Variants in RPS6KA5 observed in about 807,000 individuals in gnomAD.
The protein encoded by RPS6KA5 is ribosomal protein S6 kinase alpha-5.
RPS6KA5 carries 27 observed loss-of-function variants against 85.5 expected under a neutral mutation model. That is an observed-to-expected ratio of 0.32 (90% CI 0.23 to 0.44). RPS6KA5 has a LOEUF of 0.44. Ranked by LOEUF, RPS6KA5 falls within the 20% of genes least tolerant of loss-of-function variation. The pLI is 1.00. For synonymous variants in RPS6KA5, 334 were observed against 348.2 expected (o/e 0.96, Z 0.46); for missense variants, 811 against 980.9 (o/e 0.83, Z 2.31).
At chr14:90,999,847 G>A (rs2140573226) in intron 2 of RPS6KA5, among the ~76,000 whole-genome samples, 1 of 152,316 alleles carries the variant, frequency 6.6e-6, no homozygotes, top group African/African-American at 2.4e-5. Context: ...AGCAGCGAAA[G>A]CGGTGGTAGC....
chr14:91,009,684 C>A (rs539380075), intron 1 of RPS6KA5, among the ~76,000 whole-genome samples: 6 of 152,290 alleles, frequency 3.9e-5, no homozygotes, highest in African/African-American at 1.4e-4. Flanking sequence ...GGTTTCAACA[C>A]TGATTTTGAA....
chr14:90,952,206 T>C (rs1243141683), intron 3 of RPS6KA5, among the ~76,000 whole-genome samples: 1 of 152,228 alleles, frequency 6.6e-6, no homozygotes, highest in Admixed American at 6.5e-5. Context: ...TAAGCCTCCT[T>C]ACATGCTATT....
chr14:91,060,200 G>A lies in RPS6KA5; in HGVS notation c.103+132C>T, dbSNP rs1305251615. The A allele has an allele frequency of 1.6e-5, 15 of 963,182 alleles. No homozygotes were observed. In the African/African-American group the frequency reaches 2.5e-4, roughly 16 times the overall value. The allele number at this position is 963,182 out of a possible 1,614,324, so 59.7% of individuals were successfully genotyped here. Reference sequence around the variant, plus strand: ...CCCCCGGGGCACGCGCCCCGACCGCGACGCCCCGCCCCAGGCCCGCCCCTC... The same window carrying A: ...CCCCCGGGGCACGCGCCCCGACCGCAACGCCCCGCCCCAGGCCCGCCCCTC... On this transcript the variant is annotated intron_variant, in intron 1 of 16. Transcript: ENST00000614987.
chr14:90,875,805 A>C (rs796142140), intron 14 of RPS6KA5, among the ~76,000 whole-genome samples: 2 of 151,230 alleles, frequency 1.3e-5, no homozygotes, highest in African/African-American at 4.9e-5. Flanking sequence ...CGCAAGGACA[A>C]AAAACCAAAC....
rs1316704121 is a variant in RPS6KA5 at position 90,862,006 on chromosome 14, T to C, written c.*10068A>G. On this transcript the variant is annotated 3_prime_UTR_variant, in exon 17 of 17. Coordinates refer to ENST00000614987, the MANE Select transcript of RPS6KA5 (RefSeq NM_004755.4). ...AGCAAGTCAAAGATACAAGCTGTAA[T>C]CTTTAAGGTACTAAATGAATTTCTA... The C allele has an allele frequency of 2.0e-5, 3 of 151,994 alleles. No homozygotes were observed. The highest frequency in any genetic ancestry group is 4.4e-5 in the Non-Finnish European group (3 of 68,016). 9.4% of individuals were successfully genotyped at this position (151,994 alleles called of 1,614,324 possible). A position where few individuals can be genotyped will look rare whatever the true frequency, so the allele number is the denominator to read the frequency against.
chr14:91,048,645 C>A (rs1468313211), intron 1 of RPS6KA5, among the ~76,000 whole-genome samples: 1 of 152,060 alleles, frequency 6.6e-6, no homozygotes, highest in African/African-American at 2.4e-5. Flanking sequence ...CATAATGAGG[C>A]CAAGGTTCTA....
intron 16 of RPS6KA5, among the ~76,000 whole-genome samples, chr14:90,873,022 T>C (rs948219584): frequency 1.3e-5 from 2 of 152,260 alleles, no homozygotes; most frequent in Non-Finnish European, 2.9e-5. Flanking sequence ...TTTCTGCTGC[T>C]GAAGAAGCAC....
intron 1 of RPS6KA5, among the ~76,000 whole-genome samples, chr14:91,041,302 A>G (rs764885759): frequency 1.3e-5 from 2 of 152,102 alleles, no homozygotes; most frequent in Non-Finnish European, 2.9e-5. Context: ...ACTTTTTTTC[A>G]TTTCCCTTGT....
At chr14:90,955,331 G>A (rs889410193) in intron 3 of RPS6KA5, among the ~76,000 whole-genome samples, 3 of 152,128 alleles carry the variant, frequency 2.0e-5, no homozygotes, top group Non-Finnish European at 4.4e-5. Context: ...GCAGTGGTGT[G>A]ATCATAGCTT....
At position 91,020,534 on chromosome 14, in the gene RPS6KA5, C is replaced by CTGTGTGTG. The variant is rs34407471; in HGVS notation, c.104-19383_104-19376dup. ...ATCTCCTATGGATGCTAAGGAATGA[C>CTGTGTGTG]TGTGTGTGTGTGTGTGTGTGTGTGT... On this transcript the variant is annotated intron_variant, in intron 1 of 16. Transcript: ENST00000614987. 5.3e-3 allele frequency among the ~76,000 whole-genome samples: 581 copies of CTGTGTGTG among 110,036 alleles called. 12 individuals are homozygous for CTGTGTGTG. The highest frequency in any genetic ancestry group is 0.015 in the African/African-American group (397 of 26,028). 72.2% of individuals were successfully genotyped at this position (110,036 alleles called of 152,430 possible).
chr14:91,041,625 C>T (rs1480964577), intron 1 of RPS6KA5, among the ~76,000 whole-genome samples: 1 of 152,234 alleles, frequency 6.6e-6, no homozygotes, highest in African/African-American at 2.4e-5. Context: ...ATAGCTAGCA[C>T]ATTCAAGTCC....
At chr14:90,920,063 T>A (rs1336583826) in intron 7 of RPS6KA5, 143 bp downstream of exon 7, 1 of 691,158 alleles carries the variant, frequency 1.4e-6, no homozygotes, top group Non-Finnish European at 2.6e-6. Flanking sequence ...ATATGCCATA[T>A]GATAGAAATG....
At position 90,871,086 on chromosome 14, in the gene RPS6KA5, A is replaced by G. The variant is rs1221080873; in HGVS notation, c.*988T>C. 6.6e-6 allele frequency: 1 copy of G among 152,568 alleles called. No homozygotes were observed. The highest frequency in any genetic ancestry group is 2.4e-5 in the African/African-American group (1 of 41,454). The allele number at this position is 152,568 out of a possible 1,614,324, so 9.5% of individuals were successfully genotyped here. ...TCCTCACTGTAGTACAACACAGTGT[A>G]CAAATATGAAGCACAGTGTTTAGTT... On this transcript the variant is annotated 3_prime_UTR_variant, in exon 17 of 17. Coordinates refer to ENST00000614987, the MANE Select transcript of RPS6KA5 (RefSeq NM_004755.4).
intron 7 of RPS6KA5, among the ~76,000 whole-genome samples, chr14:90,914,571 TCC>T: frequency 6.6e-6 from 1 of 152,166 alleles, no homozygotes; most frequent in Middle Eastern, 3.4e-3. Context: ...TGCCTTGGCC[TCC>T]CCAAGTGCTA....
At chr14:91,015,015 A>G (rs1008033960) in intron 1 of RPS6KA5, among the ~76,000 whole-genome samples, 4 of 152,258 alleles carry the variant, frequency 2.6e-5, no homozygotes, top group African/African-American at 9.6e-5. Context: ...TTTAATTAAA[A>G]GAATGGTTAA....
rs527956518 is a variant in RPS6KA5, at chr14:91,021,419, T to C, written c.104-20260A>G. Among the ~76,000 whole-genome samples, 55 of 152,200 alleles carry C rather than the reference T, an allele frequency of 3.6e-4. 1 individual carries two copies. Among genetic ancestry groups the C allele is most frequent in the African/African-American group, 1.3e-3 (52 of 41,528 alleles). ...ACTTTGGGAGGCTGAAGCAGGAGGA[T>C]TGCTTGAGCCCAGGAGTTCAAGACC... is the stretch of plus-strand genomic sequence containing the variant. On this transcript the variant is annotated intron_variant, in intron 1 of 16. Transcript: ENST00000614987.
rs2033278380 is a variant in RPS6KA5, at chr14:90,873,806, A to G, written c.1997-11T>C. On this transcript the variant is annotated splice_polypyrimidine_tract_variant and intron_variant, in intron 15 of 16. Coordinates refer to ENST00000614987, the MANE Select transcript of RPS6KA5 (RefSeq NM_004755.4). ...CTACTGTGAGAAGTCCTTTGGGAAT[A>G]GATATTTTTATTTTATGATTTGTCA... 10 of 1,602,006 alleles carry G rather than the reference A, an allele frequency of 6.2e-6. No homozygotes were observed. Among genetic ancestry groups the G allele is most frequent in the Non-Finnish European group, 6.8e-6 (8 of 1,174,814 alleles).
chr14:90,942,998 G>C, intron 5 of RPS6KA5, 80 bp downstream of exon 5: 1 of 845,198 alleles, frequency 1.2e-6, no homozygotes. Context: ...GCAGTTTTCT[G>C]CTAAATGTTT....
intron 7 of RPS6KA5, among the ~76,000 whole-genome samples, chr14:90,907,232 T>C (rs1315205911): frequency 6.6e-6 from 1 of 152,158 alleles, no homozygotes; most frequent in Non-Finnish European, 1.5e-5. Flanking sequence ...TAATAACCAT[T>C]ATGGAACAAC....
Sources: allele counts gnomAD v4.1 joint callset (sites outside exome capture counted in the v4.1 genomes callset), GRCh38; gene constraint gnomAD v4.1.1; transcripts MANE v1.5; gene names NCBI Gene and HGNC (gene_info 2026-07-23, HGNC 2026-07-21).